GPC6: variants seen among roughly 807,000 people sequenced by gnomAD.
GPC6 encodes the protein glypican-6.
Under a neutral mutation model 55.2 loss-of-function variants are expected in GPC6, and 14 were observed. The ratio of observed to expected loss-of-function variants is 0.25; its 90% CI spans 0.17 to 0.40. GPC6 has a LOEUF of 0.40. Ranked by LOEUF, GPC6 falls within the 10% of genes least tolerant of loss-of-function variation. GPC6 has a pLI of 1.00. For synonymous variants in GPC6, 278 were observed against 259.6 expected (o/e 1.07, Z -0.68); for missense variants, 641 against 708.5 (o/e 0.90, Z 1.08).
At chr13:93,435,841 T>C (rs1877551301) in intron 1 of GPC6, among the ~76,000 whole-genome samples, 1 of 152,118 alleles carries the variant, frequency 6.6e-6, no homozygotes. Flanking sequence ...CAGATTTCAT[T>C]GTTGGATTGC....
chr13:93,392,456 G>C (rs1875667255), intron 1 of GPC6, among the ~76,000 whole-genome samples: 1 of 152,114 alleles, frequency 6.6e-6, no homozygotes, highest in African/African-American at 2.4e-5. Context: ...CCTTAAGGAG[G>C]CCCCTTAATT....
chr13:94,403,208 G>C lies in GPC6; in HGVS notation c.1659G>C (p.Leu553=), dbSNP rs987371977. ...GCATTGTCCTGGCACTGCAGAGACTGTGCAGATAATCTTGGGTTTTTGGTC... is the reference window on the plus strand; with the variant it reads ...GCATTGTCCTGGCACTGCAGAGACTCTGCAGATAATCTTGGGTTTTTGGTC... ...LTCIVLALQR[L]CR is the part of the protein sequence containing the mutation. Residue 553 remains leucine (L), a synonymous_variant, in exon 9 of 9, where the codon CTG becomes CTC. Transcript: ENST00000377047. 1 of 1,611,848 alleles carries C rather than the reference G, an allele frequency of 6.2e-7. No homozygotes were observed. The highest frequency in any genetic ancestry group is 1.3e-5 in the African/African-American group (1 of 75,022).
intron 1 of GPC6, among the ~76,000 whole-genome samples, chr13:93,502,125 G>A (rs1294014122): frequency 6.6e-6 from 1 of 151,976 alleles, no homozygotes; most frequent in East Asian, 1.9e-4. Flanking sequence ...AATATGTTCA[G>A]TTGTGGGAAA....
chr13:93,267,140 G>T (rs1236272171), intron 1 of GPC6, among the ~76,000 whole-genome samples: 1 of 152,170 alleles, frequency 6.6e-6, no homozygotes, highest in Non-Finnish European at 1.5e-5. Context: ...GTATTAAAAT[G>T]TGGAGATTTA....
At chr13:94,383,494 G>C (rs56107172) in intron 7 of GPC6, among the ~76,000 whole-genome samples, 12,606 of 152,242 alleles carry the variant, frequency 0.083, 790 homozygotes, top group East Asian at 0.18. Flanking sequence ...ACTTTGGGGG[G>C]CCAAGGTGGG....
Position 93,819,362 on chromosome 13 carries a change from T to A in GPC6, c.320-10792T>A, listed in dbSNP as rs146135385. Among the ~76,000 whole-genome samples the A allele has an allele frequency of 7.2e-5, 11 of 152,296 alleles. No homozygotes were observed. In the East Asian group the frequency reaches 2.1e-3, roughly 29 times the overall value. Reference sequence around the variant, plus strand: ...ACGGGAGCTGGGGAAAGAACTGGGTTTGTGAACAGGTTAATATATATTGTT... The same window carrying A: ...ACGGGAGCTGGGGAAAGAACTGGGTATGTGAACAGGTTAATATATATTGTT... On this transcript the variant is annotated intron_variant, in intron 2 of 8. Transcript: ENST00000377047.
In GPC6 at chr13:94,276,143, T is replaced by A. The variant is rs1892195633; in HGVS notation, c.878-10206T>A. Among the ~76,000 whole-genome samples the A allele has an allele frequency of 4.6e-5, 7 of 152,222 alleles. 1 individual carries two copies. The South Asian group carries it at 1.4e-3, about 32-fold the overall frequency. ...TGTACAAGGGTATTCACTGCAGCAT[T>A]ATTTGTAATAGCAGAAAACCCTAGG... On this transcript the variant is annotated intron_variant, in intron 4 of 8. Transcript: ENST00000377047.
intron 3 of GPC6, among the ~76,000 whole-genome samples, chr13:93,911,978 G>T: frequency 6.6e-6 from 1 of 152,124 alleles, no homozygotes; most frequent in Non-Finnish European, 1.5e-5. Context: ...GGGAGTGATG[G>T]GAGATACTGC....
At chr13:94,266,780 T>C (rs145057006) in intron 4 of GPC6, among the ~76,000 whole-genome samples, 1 of 152,198 alleles carries the variant, frequency 6.6e-6, no homozygotes, top group Admixed American at 6.5e-5. Context: ...CAGAGTCCTA[T>C]ATCTCACAGG....
chr13:94,277,189 G>A (rs1203128283), intron 4 of GPC6, among the ~76,000 whole-genome samples: 1 of 152,094 alleles, frequency 6.6e-6, no homozygotes, highest in African/African-American at 2.4e-5. Flanking sequence ...AATGATCAGT[G>A]CTGTTGAGCT....
chr13:93,548,334 A>C (rs1874939307), intron 2 of GPC6, among the ~76,000 whole-genome samples: 1 of 152,300 alleles, frequency 6.6e-6, no homozygotes, highest in African/African-American at 2.4e-5. Flanking sequence ...AGAAAGGTTG[A>C]TGACTTTTCT....
At chr13:93,521,723 TCTTGTGCTAA>T (rs1236562257) in intron 1 of GPC6, among the ~76,000 whole-genome samples, 5 of 151,988 alleles carry the variant, frequency 3.3e-5, no homozygotes, top group African/African-American at 1.2e-4. Flanking sequence ...AGGCATCATT[TCTTGTGCTAA>T]CATTAAGTTC....
intron 2 of GPC6, among the ~76,000 whole-genome samples, chr13:93,739,084 G>A (rs1273581144): frequency 6.6e-6 from 1 of 152,068 alleles, no homozygotes; most frequent in Non-Finnish European, 1.5e-5. Flanking sequence ...GCTACTGGAG[G>A]TCTCCAGTAT....
At chr13:93,483,973 C>T (rs1879608902) in intron 1 of GPC6, among the ~76,000 whole-genome samples, 1 of 152,168 alleles carries the variant, frequency 6.6e-6, no homozygotes, top group Admixed American at 6.6e-5. Flanking sequence ...GTATTCTTTA[C>T]AGTGGGTTTT....
At chr13:93,700,855 A>C (rs1391594593) in intron 2 of GPC6, among the ~76,000 whole-genome samples, 1 of 152,070 alleles carries the variant, frequency 6.6e-6, no homozygotes, top group Non-Finnish European at 1.5e-5. Flanking sequence ...GGAAGAGAGG[A>C]GGGAAGGTCA....
intron 3 of GPC6, among the ~76,000 whole-genome samples, chr13:93,852,110 T>C (rs1334328982): frequency 1.3e-5 from 2 of 151,748 alleles, no homozygotes; most frequent in Non-Finnish European, 2.9e-5. Context: ...TATTCTGTAT[T>C]ATAAACATGA....
intron 3 of GPC6, among the ~76,000 whole-genome samples, chr13:93,840,920 G>A (rs1429135161): frequency 6.6e-6 from 1 of 152,128 alleles, no homozygotes; most frequent in Non-Finnish European, 1.5e-5. Flanking sequence ...AAATGAACCT[G>A]ACGTTTATCC....
chr13:94,321,751 G>C (rs1249728964), intron 6 of GPC6, among the ~76,000 whole-genome samples: 42 of 152,134 alleles, frequency 2.8e-4, no homozygotes, highest in Admixed American at 2.5e-3. Context: ...AGTCCACAAA[G>C]GCAATAGCCC....
At chr13:93,393,659 C>CT (rs1221319306) in intron 1 of GPC6, among the ~76,000 whole-genome samples, 4 of 151,080 alleles carry the variant, frequency 2.6e-5, no homozygotes, top group African/African-American at 4.9e-5. Flanking sequence ...TCTCTTTTTT[C>CT]TTTTTTGTTT....
Sources: allele counts gnomAD v4.1 joint callset (sites outside exome capture counted in the v4.1 genomes callset), GRCh38; gene constraint gnomAD v4.1.1; transcripts MANE v1.5; gene names NCBI Gene and HGNC (gene_info 2026-07-23, HGNC 2026-07-21).